OSBPL9: variants seen among roughly 807,000 people sequenced by gnomAD.
OSBPL9 encodes the protein oxysterol-binding protein-related protein 9.
OSBPL9 carries 40 observed loss-of-function variants against 106.6 expected under a neutral mutation model. The observed-to-expected ratio is 0.38, with a 90% CI of 0.29 to 0.49. OSBPL9 has a LOEUF of 0.49. Ranked by LOEUF, OSBPL9 falls within the 20% of genes least tolerant of loss-of-function variation. OSBPL9 has a pLI of 0.97. For missense variants in OSBPL9, 609 were observed against 887.2 expected, an observed-to-expected ratio of 0.69 and a Z score of 3.98; for synonymous variants, 269 against 295.4, an observed-to-expected ratio of 0.91 and a Z score of 0.92.
At chr1:51,621,853 T>C (rs1644457344) in intron 1 of OSBPL9, among the ~76,000 whole-genome samples, 1 of 152,238 alleles carries the variant, frequency 6.6e-6, no homozygotes, top group African/African-American at 2.4e-5. Context: ...CTTTGTCCTC[T>C]GTATTTCCTA....
At chr1:51,760,043 A>G (rs901802331) in intron 9 of OSBPL9, 1 of 152,422 alleles carries the variant, frequency 6.6e-6, no homozygotes, top group African/African-American at 2.4e-5. Flanking sequence ...ACAATACAGT[A>G]TAATGGTGAT....
At chr1:51,535,116 G>A in the OSBPL9 span, among the ~76,000 whole-genome samples, 2 of 152,226 alleles carry the variant, frequency 1.3e-5, no homozygotes, top group African/African-American at 4.8e-5. Flanking sequence ...TAAATCATGT[G>A]AAGGCCTTTG....
At chr1:51,585,559 C>T (rs1178887706) in intron 1 of OSBPL9, among the ~76,000 whole-genome samples, 3 of 152,084 alleles carry the variant, frequency 2.0e-5, no homozygotes, top group Non-Finnish European at 4.4e-5. Context: ...AGGCAGATCA[C>T]AAGGTCAGGA....
the OSBPL9 span, among the ~76,000 whole-genome samples, chr1:51,523,069 C>A: frequency 1.3e-5 from 2 of 151,756 alleles, no homozygotes; most frequent in African/African-American, 2.4e-5. Context: ...CCAGCCTGGG[C>A]AACATAGTGA....
At chr1:51,637,106 C>G (rs372945424) in intron 1 of OSBPL9, among the ~76,000 whole-genome samples, 8 of 152,254 alleles carry the variant, frequency 5.3e-5, no homozygotes, top group African/African-American at 1.9e-4. Flanking sequence ...TGGATCCATA[C>G]CTAGGTTCAA....
At chr1:51,781,093 C>A in intron 15 of OSBPL9, 71 bp from the exon 16 acceptor site, 1 of 1,473,874 alleles carries the variant, frequency 6.8e-7, no homozygotes, top group Non-Finnish European at 9.4e-7. Context: ...GTGGACCATG[C>A]TGGGGGTTGT....
chr1:51,725,928 T>C (rs1038293104), intron 4 of OSBPL9, among the ~76,000 whole-genome samples: 1 of 152,200 alleles, frequency 6.6e-6, no homozygotes, highest in African/African-American at 2.4e-5. Flanking sequence ...ACCCGTGCAG[T>C]TGAAAACCCA....
chr1:51,643,397 G>A (rs947518910), intron 1 of OSBPL9, among the ~76,000 whole-genome samples: 13 of 152,170 alleles, frequency 8.5e-5, no homozygotes, highest in Non-Finnish European at 1.9e-4. Context: ...GGAACTGAGG[G>A]TAAGTAGGAA....
intron 1 of OSBPL9, among the ~76,000 whole-genome samples, chr1:51,637,607 G>A (rs1645532081): frequency 6.6e-6 from 1 of 152,194 alleles, no homozygotes; most frequent in South Asian, 2.1e-4. Flanking sequence ...CTCAGTAAAT[G>A]ATAACAAAAA....
At chr1:51,723,434 T>C (rs1437126754) in intron 4 of OSBPL9, among the ~76,000 whole-genome samples, 1 of 152,194 alleles carries the variant, frequency 6.6e-6, no homozygotes, top group African/African-American at 2.4e-5. Context: ...TTTCCGTTAG[T>C]AATAGGCATT....
chr1:51,741,201 A>T (rs1571456342), intron 4 of OSBPL9, among the ~76,000 whole-genome samples: 1 of 152,118 alleles, frequency 6.6e-6, no homozygotes, highest in African/African-American at 2.4e-5. Context: ...AGGCAGTTTG[A>T]TATTCTTCTA....
intron 1 of OSBPL9, among the ~76,000 whole-genome samples, chr1:51,629,310 A>G (rs944019426): frequency 1.2e-4 from 18 of 152,214 alleles, no homozygotes; most frequent in African/African-American, 4.1e-4. Flanking sequence ...TAGAACAGAG[A>G]CTTTATTTAT....
intron 4 of OSBPL9, among the ~76,000 whole-genome samples, chr1:51,732,874 C>CT (rs1664772628): frequency 6.6e-6 from 1 of 152,248 alleles, no homozygotes; most frequent in Non-Finnish European, 1.5e-5. Context: ...TGATTTATCT[C>CT]TGAGTCCAGA....
At chr1:51,703,772 G>T (rs1657825742) in intron 3 of OSBPL9, among the ~76,000 whole-genome samples, 1 of 152,136 alleles carries the variant, frequency 6.6e-6, no homozygotes, top group African/African-American at 2.4e-5. Context: ...TATTGGCTGT[G>T]GGTTTGTCAT....
Position 51,783,897 on chromosome 1 carries a change from T to A in OSBPL9, c.1514-18T>A. The A allele has an allele frequency of 6.4e-7, 1 of 1,562,650 alleles. No homozygotes were observed. The highest frequency in any genetic ancestry group is 1.7e-4 in the Middle Eastern group (1 of 5,966). The stretch of plus-strand genomic sequence containing the variant: ...GCTGTAGGTATATATAATCTACTAA[T>A]TGAAAATTTCTATTCAGTTTCAGCC... On this transcript the variant is annotated intron_variant, in intron 17 of 23. Coordinates refer to ENST00000428468, the MANE Select transcript of OSBPL9 (RefSeq NM_024586.6).
Position 51,751,108 on chromosome 1 carries a change from G to T in OSBPL9, c.543+913G>T, listed in dbSNP as rs188148757. Among the ~76,000 whole-genome samples, 815 of 152,042 alleles carry T rather than the reference G, an allele frequency of 5.4e-3. 3 individuals are homozygous for T. Among genetic ancestry groups the T allele is most frequent in the Non-Finnish European group, 8.4e-3 (569 of 67,968 alleles). ...ATTTAAAATATATTTTTTATTTTTT[G>T]AGACAGTCTCGCTCTGTTGCCCAGG... is the stretch of plus-strand genomic sequence containing the variant. On this transcript the variant is annotated intron_variant, in intron 8 of 23. Coordinates refer to ENST00000428468, the MANE Select transcript of OSBPL9 (RefSeq NM_024586.6).
intron 10 of OSBPL9, among the ~76,000 whole-genome samples, chr1:51,761,322 C>T (rs1343253571): frequency 6.6e-6 from 1 of 150,674 alleles, no homozygotes; most frequent in Non-Finnish European, 1.5e-5. Context: ...GGGCTCAGGG[C>T]CAATACCTAG....
intron 4 of OSBPL9, among the ~76,000 whole-genome samples, chr1:51,720,483 G>A (rs1001317307): frequency 5.9e-5 from 9 of 151,610 alleles, no homozygotes; most frequent in African/African-American, 1.5e-4. Context: ...GCACCACGAC[G>A]CCCAGCTGAT....
At chr1:51,685,711 T>C (rs1482875479) in intron 3 of OSBPL9, among the ~76,000 whole-genome samples, 1 of 152,172 alleles carries the variant, frequency 6.6e-6, no homozygotes, top group Non-Finnish European at 1.5e-5. Context: ...ACTATGATTA[T>C]CTTTGTCTTT....
Sources: gnomAD v4.1 joint callset for allele counts (sites outside exome capture counted in the v4.1 genomes callset) on GRCh38, gnomAD v4.1.1 for gene constraint, MANE v1.5 for transcripts, NCBI Gene and HGNC (gene_info 2026-07-23, HGNC 2026-07-21) for gene names.